SNX24: variants seen among roughly 807,000 people sequenced by gnomAD.
SNX24 encodes the protein sorting nexin-24.
SNX24 carries 22 observed loss-of-function variants against 28.7 expected under a neutral mutation model. That is an observed-to-expected ratio of 0.77 (90% CI 0.55 to 1.10). The LOEUF is 1.10. SNX24 is among the 50% of genes least tolerant of loss of function. The probability of loss-of-function intolerance (pLI) is 0.00; values close to 1 mark genes in which losing one functional copy is unlikely to be tolerated. For synonymous variants in SNX24, 69 were observed against 71.5 expected (o/e 0.96, Z 0.18); for missense variants, 221 against 201.1 (o/e 1.10, Z -0.60).
intron 1 of SNX24, among the ~76,000 whole-genome samples, chr5:122,895,635 G>T (rs1159753791): frequency 6.6e-6 from 1 of 152,202 alleles, no homozygotes; most frequent in African/African-American, 2.4e-5. Flanking sequence ...TCTGCAAAGT[G>T]TGTCCACGCA....
At chr5:122,867,405 C>T (rs1755770136) in intron 1 of SNX24, among the ~76,000 whole-genome samples, 1 of 152,168 alleles carries the variant, frequency 6.6e-6, no homozygotes, top group Non-Finnish European at 1.5e-5. Flanking sequence ...AACTCTGCCC[C>T]TTTCATGATG....
intron 1 of SNX24, among the ~76,000 whole-genome samples, chr5:122,908,805 G>A (rs1369223768): frequency 6.6e-6 from 1 of 152,208 alleles, no homozygotes; most frequent in Non-Finnish European, 1.5e-5. Flanking sequence ...GGGGAAGATC[G>A]TCAGGGTCCT....
At chr5:122,910,453 CTT>C (rs1388155427) in intron 1 of SNX24, among the ~76,000 whole-genome samples, 1 of 151,914 alleles carries the variant, frequency 6.6e-6, no homozygotes, top group Admixed American at 6.6e-5. Flanking sequence ...GAAAGACAGA[CTT>C]TTTTTTGTTT....
intron 1 of SNX24, among the ~76,000 whole-genome samples, chr5:122,867,429 G>C (rs538431445): frequency 6.6e-6 from 1 of 152,292 alleles, no homozygotes; most frequent in Non-Finnish European, 1.5e-5. Flanking sequence ...GCAATCCATT[G>C]TAGTCAACCT....
rs117355424 is a variant in SNX24 at position 122,909,722 on chromosome 5, A to C, written c.61-27012A>C. Among the ~76,000 whole-genome samples the C allele has an allele frequency of 2.1e-3, 318 of 152,244 alleles. 1 individual carries two copies. The Middle Eastern group carries it at 0.027, about 13-fold the overall frequency. ...CATTTAAGTCAGTCATGTGCTTACC[A>C]TTGGCCAAACTGTCTATCCCTGAGG... On this transcript the variant is annotated intron_variant, in intron 1 of 6. Coordinates refer to ENST00000261369, the MANE Select transcript of SNX24 (RefSeq NM_014035.4).
At chr5:122,920,445 A>G (rs775283778) in intron 1 of SNX24, among the ~76,000 whole-genome samples, 1 of 152,242 alleles carries the variant, frequency 6.6e-6, no homozygotes, top group Non-Finnish European at 1.5e-5. Flanking sequence ...TACAGTAAGC[A>G]TGCATGGTTC....
chr5:122,986,676 C>T (rs928065180), intron 3 of SNX24, among the ~76,000 whole-genome samples: 6 of 151,906 alleles, frequency 3.9e-5, no homozygotes, highest in South Asian at 4.2e-4. Context: ...GAAACAGCAT[C>T]GGTTGAACAC....
chr5:122,890,470 G>GGT (rs773031988), intron 1 of SNX24, among the ~76,000 whole-genome samples: 2 of 66,968 alleles, frequency 3.0e-5, no homozygotes, highest in East Asian at 9.9e-4. Flanking sequence ...ATTTAGAGGG[G>GGT]ATTTTTTTTT....
At chr5:122,912,796 G>T (rs183647046) in intron 1 of SNX24, among the ~76,000 whole-genome samples, 1 of 151,282 alleles carries the variant, frequency 6.6e-6, no homozygotes, top group Non-Finnish European at 1.5e-5. Context: ...GATTTGGCAG[G>T]GTCTAGGACA....
intron 1 of SNX24, among the ~76,000 whole-genome samples, chr5:122,883,391 A>G (rs1235980060): frequency 6.6e-6 from 1 of 152,216 alleles, no homozygotes; most frequent in Non-Finnish European, 1.5e-5. Context: ...ATTTATTAAT[A>G]TATGATTATA....
At chr5:122,968,190 C>G (rs973949318) in intron 3 of SNX24, among the ~76,000 whole-genome samples, 6 of 152,206 alleles carry the variant, frequency 3.9e-5, no homozygotes, top group Non-Finnish European at 8.8e-5. Flanking sequence ...ACTAAAAATA[C>G]AAAAGTTAGC....
At chr5:122,989,317 C>T (rs906044607) in intron 3 of SNX24, among the ~76,000 whole-genome samples, 3 of 152,116 alleles carry the variant, frequency 2.0e-5, no homozygotes, top group African/African-American at 7.2e-5. Flanking sequence ...GCCTTTTCCT[C>T]ATAATTATAA....
intron 1 of SNX24, among the ~76,000 whole-genome samples, chr5:122,885,968 T>C (rs1177901025): frequency 1.3e-5 from 2 of 149,006 alleles, no homozygotes; most frequent in Non-Finnish European, 3.0e-5. Flanking sequence ...GAGAATCTAA[T>C]GCCCCCGCTG....
intron 3 of SNX24, 34 bp from the exon 4 acceptor site, chr5:122,999,878 C>T (rs771470538): frequency 7.6e-7 from 1 of 1,322,452 alleles, no homozygotes; most frequent in African/African-American, 1.4e-5. Context: ...GCAAACTTCA[C>T]TTCAGTTTCG....
chr5:122,853,581 C>A, intron 1 of SNX24: 1 of 268,026 alleles, frequency 3.7e-6, no homozygotes, highest in Non-Finnish European at 7.8e-6. Context: ...GGGGCACAAG[C>A]AAGCTTGTTT....
intron 1 of SNX24, among the ~76,000 whole-genome samples, chr5:122,882,003 T>C (rs1365658446): frequency 6.6e-6 from 1 of 151,166 alleles, no homozygotes; most frequent in Non-Finnish European, 1.5e-5. Context: ...AAGGTCCCAC[T>C]CTGTCACTCA....
intron 3 of SNX24, among the ~76,000 whole-genome samples, chr5:122,960,514 A>G (rs538200100): frequency 1.3e-3 from 192 of 152,344 alleles, no homozygotes; most frequent in Admixed American, 3.1e-3. Context: ...TTTCTATTTT[A>G]TGGCCACAAG....
chr5:122,887,007 C>G (rs1037777062), intron 1 of SNX24, among the ~76,000 whole-genome samples: 17 of 152,100 alleles, frequency 1.1e-4, no homozygotes, highest in Admixed American at 3.3e-4. Context: ...TATTCATATC[C>G]GTACTTACTG....
At chr5:122,855,321 G>A (rs966623091) in intron 1 of SNX24, among the ~76,000 whole-genome samples, 10 of 152,160 alleles carry the variant, frequency 6.6e-5, no homozygotes, top group Non-Finnish European at 1.2e-4. Flanking sequence ...GCTCGCCTCA[G>A]CCTCCCAAAG....
Sources: gnomAD v4.1 joint callset for allele counts (sites outside exome capture counted in the v4.1 genomes callset) on GRCh38, gnomAD v4.1.1 for gene constraint, MANE v1.5 for transcripts, NCBI Gene and HGNC (gene_info 2026-07-23, HGNC 2026-07-21) for gene names.